The following PDE2A variants were observed in gnomAD, a reference collection of about 807,000 sequenced individuals.
PDE2A encodes cGMP-dependent 3',5'-cyclic phosphodiesterase.
Under a neutral mutation model 133.6 loss-of-function variants are expected in PDE2A, and 53 were observed. The ratio of observed to expected loss-of-function variants is 0.40; its 90% confidence interval spans 0.32 to 0.50. The LOEUF (loss-of-function observed/expected upper bound fraction) is 0.50. Ranked by LOEUF, PDE2A falls within the 20% of genes least tolerant of loss-of-function variation. The probability of loss-of-function intolerance (pLI) is 0.73; values close to 1 mark genes in which losing one functional copy is unlikely to be tolerated. For missense variants in PDE2A, 796 were observed against 1,232.4 expected (o/e 0.65, Z 5.30); for synonymous variants, 491 against 490.2 (o/e 1.00, Z -0.02).
chr11:72,589,856 G>T, intron 10 of PDE2A, 51 bp downstream of exon 10: 1 of 1,607,914 alleles, frequency 6.2e-7, no homozygotes, highest in South Asian at 1.1e-5. Context: ...TCGGAGACCC[G>T]AGTTCCTCGC....
chr11:72,626,328 C>T (rs1193109290), intron 2 of PDE2A, among the ~76,000 whole-genome samples: 4 of 152,224 alleles, frequency 2.6e-5, no homozygotes, highest in Non-Finnish European at 4.4e-5. Flanking sequence ...GGTCCCTGCA[C>T]GCCCCGGGCC....
At chr11:72,645,688 G>C (rs1021769510) in intron 1 of PDE2A, among the ~76,000 whole-genome samples, 1 of 152,238 alleles carries the variant, frequency 6.6e-6, no homozygotes, top group African/African-American at 2.4e-5. Context: ...TGGAGTAGAT[G>C]CATCTCCTCC....
At chr11:72,658,530 G>A (rs1272512004) in intron 1 of PDE2A, among the ~76,000 whole-genome samples, 1 of 151,894 alleles carries the variant, frequency 6.6e-6, no homozygotes, top group African/African-American at 2.4e-5. Context: ...ATGGGATCTC[G>A]CTAAGTTACC....
intron 1 of PDE2A, among the ~76,000 whole-genome samples, chr11:72,651,870 T>A (rs1164698446): frequency 9.2e-5 from 14 of 152,184 alleles, no homozygotes; most frequent in Admixed American, 9.2e-4. Context: ...CCTTCCCTGG[T>A]GGCCTGAAGT....
intron 2 of PDE2A, among the ~76,000 whole-genome samples, chr11:72,634,107 C>T (rs187825404): frequency 1.3e-5 from 2 of 152,168 alleles, no homozygotes; most frequent in Non-Finnish European, 2.9e-5. Context: ...GCGCCAGAGA[C>T]GAGACCTCAC....
chr11:72,644,885 T>C (rs1178029440), intron 1 of PDE2A, among the ~76,000 whole-genome samples: 1 of 152,056 alleles, frequency 6.6e-6, no homozygotes, highest in Non-Finnish European at 1.5e-5. Flanking sequence ...GCCTCCCGAG[T>C]AGATGGGACT....
chr11:72,581,281 C>T, intron 23 of PDE2A, 76 bp downstream of exon 23: 1 of 1,461,412 alleles, frequency 6.8e-7, no homozygotes. Context: ...AAGTGCCTGA[C>T]ACACAGGGGG....
chr11:72,615,827 C>T (rs1857443347), intron 2 of PDE2A, among the ~76,000 whole-genome samples: 1 of 152,210 alleles, frequency 6.6e-6, no homozygotes. Flanking sequence ...GATTTGGGCA[C>T]ACTGTGAATC....
At chr11:72,658,958 A>G (rs1213428513) in intron 1 of PDE2A, among the ~76,000 whole-genome samples, 2 of 152,090 alleles carry the variant, frequency 1.3e-5, no homozygotes, top group Non-Finnish European at 1.5e-5. Flanking sequence ...CTCCCAAAGT[A>G]CTGGGATTAC....
rs1186598694 is a variant in PDE2A at position 72,597,575 on chromosome 11, C to G, written c.368G>C (p.Gly123Ala). 6 of 1,612,808 alleles carry G rather than the reference C, an allele frequency of 3.7e-6. No individual in the cohort carries two copies. The highest frequency in any genetic ancestry group is 1.7e-5 in the Admixed American group (1 of 60,020). Residue 123 changes from glycine to alanine, a missense_variant, in exon 5 of 31, where the codon GGC becomes GCC. Coordinates refer to ENST00000334456, the MANE Select transcript of PDE2A (RefSeq NM_002599.5). The surrounding 1 kb of genome is among the most constrained non-coding windows in gnomAD (Gnocchi z 4.6). ...GGGCTTCCCTGGCAGGTCTGAGAAGCCCAGCCCATTGCAGCCCAGCCGCTT... is the reference window on the plus strand; with the variant it reads ...GGGCTTCCCTGGCAGGTCTGAGAAGGCCAGCCCATTGCAGCCCAGCCGCTT... ...SQKRLGCNGL[G>A]FSDLPGKPLA...
intron 2 of PDE2A, among the ~76,000 whole-genome samples, chr11:72,635,072 G>A (rs1266851824): frequency 6.6e-6 from 1 of 152,240 alleles, no homozygotes; most frequent in Non-Finnish European, 1.5e-5. Flanking sequence ...TGGGAGGAAA[G>A]GGTAGTTACC....
chr11:72,582,913 C>G (rs1244768184), intron 20 of PDE2A, among the ~76,000 whole-genome samples: 1 of 152,234 alleles, frequency 6.6e-6, no homozygotes, highest in Non-Finnish European at 1.5e-5. Context: ...AACCTTAACT[C>G]TTCCTACTAC....
intron 6 of PDE2A, 127 bp from the exon 7 acceptor site, chr11:72,591,483 A>T: frequency 1.4e-6 from 1 of 704,854 alleles, no homozygotes; most frequent in Non-Finnish European, 2.5e-6. Flanking sequence ...TGTGGGCCTC[A>T]GTGATAACCC....
chr11:72,577,629 A>G, intron 30 of PDE2A, 35 bp from the exon 31 acceptor site: 1 of 1,475,432 alleles, frequency 6.8e-7, no homozygotes, highest in Non-Finnish European at 9.4e-7. Flanking sequence ...GCGAGAGGCC[A>G]GAAATCAGAC....
intron 4 of PDE2A, among the ~76,000 whole-genome samples, chr11:72,599,962 G>T (rs915599166): frequency 1.3e-5 from 2 of 152,264 alleles, no homozygotes; most frequent in Non-Finnish European, 2.9e-5. Context: ...AGACATCTGA[G>T]TTGAGTCCTA....
chr11:72,636,081 G>A, intron 2 of PDE2A: 1 of 1,250,854 alleles, frequency 8.0e-7, no homozygotes. Flanking sequence ...CCCTTAGGGT[G>A]GGAGACAGGA....
At chr11:72,614,493 C>A (rs561276352) in intron 2 of PDE2A, among the ~76,000 whole-genome samples, 1 of 152,164 alleles carries the variant, frequency 6.6e-6, no homozygotes, top group Non-Finnish European at 1.5e-5. Context: ...TTCCACCAGC[C>A]GTTCCCCAAT....
chr11:72,624,587 C>G (rs1332032517), intron 2 of PDE2A, among the ~76,000 whole-genome samples: 3 of 152,218 alleles, frequency 2.0e-5, no homozygotes, highest in African/African-American at 7.2e-5. Context: ...AGACTCAGGA[C>G]CATACCTGCT....
At chr11:72,626,028 G>A (rs889109301) in intron 2 of PDE2A, among the ~76,000 whole-genome samples, 1 of 152,266 alleles carries the variant, frequency 6.6e-6, no homozygotes, top group African/African-American at 2.4e-5. Flanking sequence ...ACCTGCCTGC[G>A]CCTCTATGCC....
Sources: gnomAD v4.1 joint callset for allele counts (sites outside exome capture counted in the v4.1 genomes callset) on GRCh38, gnomAD v4.1.1 for gene constraint, Gnocchi (gnomAD v3.1) non-coding constraint, MANE v1.5 for transcripts, NCBI Gene and HGNC (gene_info 2026-07-23, HGNC 2026-07-21) for gene names.